Variants in GTF2F2 observed in about 807,000 individuals in gnomAD.
The protein encoded by GTF2F2 is ATP-dependent helicase GTF2F2.
GTF2F2 carries 23 observed loss-of-function variants against 42.2 expected under a neutral mutation model. The ratio of observed to expected loss-of-function variants is 0.55; its 90% CI spans 0.39 to 0.77. GTF2F2 has a LOEUF of 0.77. Among genes scored for constraint, GTF2F2 ranks in the 30% least tolerant of loss-of-function variants. The pLI, the probability that GTF2F2 is intolerant of heterozygous loss-of-function variation, is 0.00. For synonymous variants in GTF2F2, 105 were observed against 100.8 expected, an observed-to-expected ratio of 1.04 and a Z score of -0.25; for missense variants, 261 against 287.2, an observed-to-expected ratio of 0.91 and a Z score of 0.66.
chr13:45,151,074 C>A (rs1351854599), intron 3 of GTF2F2, among the ~76,000 whole-genome samples: 2 of 151,770 alleles, frequency 1.3e-5, no homozygotes, highest in African/African-American at 4.8e-5. Context: ...ATTCTGTCAC[C>A]CAAATAGTGA....
rs372428168 is a variant in GTF2F2, at chr13:45,177,163, A to AT, written c.304+25341dup. 1.5e-3 allele frequency among the ~76,000 whole-genome samples: 224 copies of AT among 150,876 alleles called. 1 individual carries two copies. The highest frequency in any genetic ancestry group is 5.3e-3 in the East Asian group (27 of 5,138). The stretch of plus-strand genomic sequence containing the variant: ...TCTTCCATATGAATGAGAATGATGT[A>AT]TTTTTTTTTAATAAAGACCATCTTT... On this transcript the variant is annotated intron_variant, in intron 4 of 7. Transcript: ENST00000340473.
chr13:45,174,634 C>CTTTTCTTTTT (rs1456234732), intron 4 of GTF2F2, among the ~76,000 whole-genome samples: 2 of 81,490 alleles, frequency 2.5e-5, no homozygotes, highest in African/African-American at 9.3e-5. Context: ...TTTCTTTTTT[C>CTTTTCTTTTT]TTTTTTTTTT....
chr13:45,183,938 C>G (rs1337002857), intron 4 of GTF2F2, among the ~76,000 whole-genome samples: 1 of 152,002 alleles, frequency 6.6e-6, no homozygotes, highest in Non-Finnish European at 1.5e-5. Flanking sequence ...TCACAGCAAC[C>G]TCTTCCTCCC....
intron 5 of GTF2F2, among the ~76,000 whole-genome samples, chr13:45,252,652 G>A (rs1875926595): frequency 6.6e-6 from 1 of 152,048 alleles, no homozygotes; most frequent in Non-Finnish European, 1.5e-5. Flanking sequence ...GTACATTGTG[G>A]CATTATAATG....
At chr13:45,125,130 G>A (rs1868913233) in intron 1 of GTF2F2, among the ~76,000 whole-genome samples, 1 of 152,186 alleles carries the variant, frequency 6.6e-6, no homozygotes, top group South Asian at 2.1e-4. Flanking sequence ...CTTGTGTAGC[G>A]AGTATTTTGC....
At chr13:45,248,873 A>G (rs533931992) in intron 5 of GTF2F2, among the ~76,000 whole-genome samples, 4 of 152,340 alleles carry the variant, frequency 2.6e-5, no homozygotes, top group Admixed American at 2.0e-4. Flanking sequence ...GTTTCCTGAA[A>G]ACAACACTGT....
intron 4 of GTF2F2, among the ~76,000 whole-genome samples, chr13:45,204,943 T>A (rs982543060): frequency 6.6e-6 from 1 of 152,122 alleles, no homozygotes; most frequent in African/African-American, 2.4e-5. Context: ...AGTGAGGAGA[T>A]TGGTGGCCAA....
chr13:45,249,412 A>C (rs1875782333), intron 5 of GTF2F2, among the ~76,000 whole-genome samples: 2 of 152,154 alleles, frequency 1.3e-5, no homozygotes, highest in African/African-American at 4.8e-5. Flanking sequence ...TTTATGTAAA[A>C]GGTTAAATGC....
intron 1 of GTF2F2, among the ~76,000 whole-genome samples, chr13:45,127,015 G>A (rs1002693935): frequency 6.6e-6 from 1 of 152,192 alleles, no homozygotes. Context: ...GTTGACAGTG[G>A]TGTTTTGGAG....
chr13:45,232,376 C>T (rs1874727745), intron 5 of GTF2F2, among the ~76,000 whole-genome samples: 1 of 152,256 alleles, frequency 6.6e-6, no homozygotes, highest in East Asian at 1.9e-4. Context: ...CCTATAATCT[C>T]AGCACTTTGG....
intron 2 of GTF2F2, among the ~76,000 whole-genome samples, chr13:45,141,341 A>C (rs1869915822): frequency 6.6e-6 from 1 of 152,180 alleles, no homozygotes; most frequent in South Asian, 2.1e-4. Context: ...GAAAATCTCA[A>C]GGTCTTTTTC....
chr13:45,127,712 A>C (rs1037550978), intron 1 of GTF2F2, among the ~76,000 whole-genome samples: 1 of 151,642 alleles, frequency 6.6e-6, no homozygotes, highest in Non-Finnish European at 1.5e-5. Context: ...GGCTCACTAC[A>C]ACCTCCGCCT....
intron 4 of GTF2F2, among the ~76,000 whole-genome samples, chr13:45,174,697 C>T (rs944277685): frequency 2.9e-5 from 4 of 136,662 alleles, no homozygotes; most frequent in Non-Finnish European, 6.1e-5. Flanking sequence ...GGATACATGA[C>T]ATACCTGGAA....
intron 1 of GTF2F2, chr13:45,123,889 A>G: frequency 3.1e-6 from 1 of 324,466 alleles, no homozygotes; most frequent in Non-Finnish European, 5.7e-6. Context: ...GGGGGTCTGC[A>G]TGGAAGCTGT....
rs1441128266 is a variant in GTF2F2 at position 45,194,476 on chromosome 13, T to G, written c.305-12948T>G. On this transcript the variant is annotated intron_variant, in intron 4 of 7. Coordinates refer to ENST00000340473, the MANE Select transcript of GTF2F2 (RefSeq NM_004128.3). Reference sequence around the variant, plus strand: ...AACGTTGAGGGTCATCAGTGTGGATTTGCAGTTCTTTCCTTGATCAGTATC... The same window carrying G: ...AACGTTGAGGGTCATCAGTGTGGATGTGCAGTTCTTTCCTTGATCAGTATC... The G allele has an allele frequency of 1.9e-6, 3 of 1,614,166 alleles. No homozygotes were observed. The South Asian group carries it at 3.3e-5, about 18-fold the overall frequency.
chr13:45,233,260 A>G (rs1011720608), intron 5 of GTF2F2, among the ~76,000 whole-genome samples: 2 of 152,116 alleles, frequency 1.3e-5, no homozygotes, highest in African/African-American at 2.4e-5. Flanking sequence ...TCTGCAATAT[A>G]AAAAAACAAT....
chr13:45,139,676 C>T (rs1169559707), intron 2 of GTF2F2, among the ~76,000 whole-genome samples: 3 of 152,204 alleles, frequency 2.0e-5, no homozygotes, highest in African/African-American at 7.2e-5. Context: ...CTATACCCAT[C>T]TGACATACTG....
chr13:45,122,775 T>TA (rs1294665674), intron 1 of GTF2F2, among the ~76,000 whole-genome samples: 3 of 152,232 alleles, frequency 2.0e-5, no homozygotes, highest in Non-Finnish European at 4.4e-5. Context: ...TTAAAAATAA[T>TA]ACCTTGAGTT....
At chr13:45,221,623 A>T (rs1874120160) in intron 5 of GTF2F2, among the ~76,000 whole-genome samples, 2 of 152,004 alleles carry the variant, frequency 1.3e-5, no homozygotes, top group South Asian at 4.1e-4. Flanking sequence ...TGCCTCCACT[A>T]CTGCAGTAAC....
Sources: allele counts gnomAD v4.1 joint callset (sites outside exome capture counted in the v4.1 genomes callset), GRCh38; gene constraint gnomAD v4.1.1; transcripts MANE v1.5; gene names NCBI Gene and HGNC (gene_info 2026-07-23, HGNC 2026-07-21).